Variants in LHPP observed in about 807,000 individuals in gnomAD.
LHPP encodes hLHPP.
Under a neutral mutation model 30.3 loss-of-function variants are expected in LHPP, and 24 were observed. That is an observed-to-expected ratio of 0.79 (90% CI 0.57 to 1.11). LHPP has a LOEUF of 1.11. LHPP is among the 50% of genes most tolerant of loss of function. The pLI, the probability that LHPP is intolerant of heterozygous loss-of-function variation, is 0.00. For synonymous variants in LHPP, 150 were observed against 157.1 expected, an observed-to-expected ratio of 0.95 and a Z score of 0.34; for missense variants, 356 against 367.2, an observed-to-expected ratio of 0.97 and a Z score of 0.25.
At chr10:124,552,119 G>A (rs12763659) in intron 6 of LHPP, among the ~76,000 whole-genome samples, 23 of 151,934 alleles carry the variant, frequency 1.5e-4, no homozygotes, top group African/African-American at 5.5e-4. Flanking sequence ...ACTCCAGGCT[G>A]CCCCTGCCCT....
chr10:124,570,548 G>A (rs961826836), intron 6 of LHPP, among the ~76,000 whole-genome samples: 1 of 152,152 alleles, frequency 6.6e-6, no homozygotes, highest in Non-Finnish European at 1.5e-5. Context: ...TCACAATGCT[G>A]TGCAACTATC....
chr10:124,594,915 G>A (rs1400757810), intron 6 of LHPP, among the ~76,000 whole-genome samples: 4 of 152,172 alleles, frequency 2.6e-5, no homozygotes, highest in Non-Finnish European at 5.9e-5. Flanking sequence ...ACAGGCATGA[G>A]CCACCGCACC....
intron 6 of LHPP, among the ~76,000 whole-genome samples, chr10:124,540,600 G>A (rs77439084): frequency 3.5e-3 from 529 of 152,344 alleles, no homozygotes; most frequent in African/African-American, 0.011. Flanking sequence ...CTGGGGATCC[G>A]GGGCTGCTCG....
chr10:124,498,660 CTTTTTT>C (rs552228070), intron 5 of LHPP: 799 of 352,756 alleles, frequency 2.3e-3, no homozygotes, highest in Middle Eastern at 3.8e-3. Flanking sequence ...TTTTCTTTTT[CTTTTTT>C]TTTTTTTTTT....
intron 6 of LHPP, among the ~76,000 whole-genome samples, chr10:124,535,036 C>T (rs1289502486): frequency 1.3e-5 from 2 of 152,184 alleles, no homozygotes; most frequent in Non-Finnish European, 2.9e-5. Flanking sequence ...TGAAACCTCT[C>T]TCGATTGTGT....
At chr10:124,522,938 G>A (rs940918155) in intron 6 of LHPP, among the ~76,000 whole-genome samples, 1 of 152,188 alleles carries the variant, frequency 6.6e-6, no homozygotes, top group Non-Finnish European at 1.5e-5. Context: ...GACCCTTCCT[G>A]CCTCTTATAT....
chr10:124,484,969 T>C (rs975969606), intron 2 of LHPP, among the ~76,000 whole-genome samples: 2 of 152,130 alleles, frequency 1.3e-5, no homozygotes, highest in African/African-American at 4.8e-5. Context: ...GAAGAGACAT[T>C]AGCAATTCCA....
intron 6 of LHPP, among the ~76,000 whole-genome samples, chr10:124,579,806 G>A (rs1031801160): frequency 6.6e-6 from 1 of 152,170 alleles, no homozygotes; most frequent in South Asian, 2.1e-4. Context: ...GCTCGCTGGA[G>A]CAAACATGTA....
At chr10:124,533,970 G>A (rs1954958130) in intron 6 of LHPP, among the ~76,000 whole-genome samples, 1 of 152,048 alleles carries the variant, frequency 6.6e-6, no homozygotes, top group African/African-American at 2.4e-5. Context: ...GGGTTGGCAG[G>A]GACCACATCT....
At chr10:124,508,869 C>A (rs928065158) in intron 5 of LHPP, among the ~76,000 whole-genome samples, 2 of 151,918 alleles carry the variant, frequency 1.3e-5, no homozygotes, top group African/African-American at 4.8e-5. Flanking sequence ...CTATTGGGGA[C>A]AATTTTTGTT....
At chr10:124,602,407 T>C (rs191601022) in intron 6 of LHPP, among the ~76,000 whole-genome samples, 4 of 152,236 alleles carry the variant, frequency 2.6e-5, no homozygotes, top group African/African-American at 7.2e-5. Flanking sequence ...GCCACAAGTC[T>C]GCTAGCTAGA....
chr10:124,545,462 G>T (rs1281105172), intron 6 of LHPP, among the ~76,000 whole-genome samples: 1 of 152,268 alleles, frequency 6.6e-6, no homozygotes, highest in African/African-American at 2.4e-5. Context: ...CATGCACCCA[G>T]GCAGGAAGCT....
chr10:124,557,648 G>A (rs1424202529), intron 6 of LHPP, among the ~76,000 whole-genome samples: 1 of 152,204 alleles, frequency 6.6e-6, no homozygotes, highest in Non-Finnish European at 1.5e-5. Context: ...AGGTCTTGGG[G>A]TGAGGCTGGG....
intron 6 of LHPP, among the ~76,000 whole-genome samples, chr10:124,599,532 G>A (rs1003236086): frequency 2.6e-5 from 4 of 152,158 alleles, no homozygotes; most frequent in African/African-American, 7.2e-5. Flanking sequence ...CAGGGGTTCC[G>A]TACTCCCTGC....
chr10:124,604,759 G>A (rs1949070611), intron 6 of LHPP, among the ~76,000 whole-genome samples: 1 of 152,364 alleles, frequency 6.6e-6, no homozygotes, highest in Admixed American at 6.5e-5. Context: ...AATTCACTGG[G>A]CAGCCGCCCC....
intron 5 of LHPP, among the ~76,000 whole-genome samples, chr10:124,500,168 T>A (rs1436717129): frequency 6.6e-6 from 1 of 151,894 alleles, no homozygotes; most frequent in Non-Finnish European, 1.5e-5. Flanking sequence ...TATCCTCTTT[T>A]TTTTCCTTTT....
chr10:124,472,288 G>A (rs1435487184), intron 1 of LHPP, among the ~76,000 whole-genome samples: 1 of 152,158 alleles, frequency 6.6e-6, no homozygotes, highest in Non-Finnish European at 1.5e-5. Context: ...ACCCCAGCCT[G>A]GGAGACACAG....
At chr10:124,481,020 A>T (rs983152435) in intron 1 of LHPP, among the ~76,000 whole-genome samples, 1 of 151,798 alleles carries the variant, frequency 6.6e-6, no homozygotes, top group African/African-American at 2.4e-5. Context: ...GGTCATTTAG[A>T]CTTCTCAGTC....
At chr10:124,599,074 C>G (rs1040409168) in intron 6 of LHPP, among the ~76,000 whole-genome samples, 3 of 151,902 alleles carry the variant, frequency 2.0e-5, no homozygotes, top group Non-Finnish European at 2.9e-5. Context: ...CACTCATCCA[C>G]CCTGATGCAG....
Sources: allele counts gnomAD v4.1 joint callset (sites outside exome capture counted in the v4.1 genomes callset), GRCh38; gene constraint gnomAD v4.1.1; transcripts MANE v1.5; gene names NCBI Gene and HGNC (gene_info 2026-07-23, HGNC 2026-07-21).